SSH2: variants seen among roughly 807,000 people sequenced by gnomAD.
SSH2 encodes the protein protein phosphatase Slingshot homolog 2.
In SSH2, 37 loss-of-function variants were observed where a neutral mutation model predicts 135.2. The observed-to-expected ratio is 0.27, with a 90% confidence interval of 0.21 to 0.36. The LOEUF is 0.36. Ranked by LOEUF, SSH2 falls within the 10% of genes least tolerant of loss-of-function variation. The pLI is 1.00. For synonymous variants in SSH2, 628 were observed against 646.2 expected (o/e 0.97, Z 0.43); for missense variants, 1,408 against 1,765.3 (o/e 0.80, Z 3.63).
At chr17:29,746,960 C>G (rs1234048327) in intron 3 of SSH2, among the ~76,000 whole-genome samples, 1 of 152,158 alleles carries the variant, frequency 6.6e-6, no homozygotes, top group Non-Finnish European at 1.5e-5. Flanking sequence ...TCCGCAGTCA[C>G]TACAGAAGAC....
intron 3 of SSH2, among the ~76,000 whole-genome samples, chr17:29,774,352 C>T (rs975782104): frequency 2.6e-5 from 4 of 152,096 alleles, no homozygotes; most frequent in African/African-American, 9.7e-5. Flanking sequence ...GCAACCTCCT[C>T]CTCCTGGGTT....
At chr17:29,875,983 C>CA (rs547629204) in intron 1 of SSH2, among the ~76,000 whole-genome samples, 8,406 of 71,592 alleles carry the variant, frequency 0.12, 596 homozygotes, top group African/African-American at 0.25. Context: ...AAGAGGACAC[C>CA]AAAAAAAAAA....
At chr17:29,644,830 A>ATAAC (rs1169920828) in intron 14 of SSH2, 2 of 150,792 alleles carry the variant, frequency 1.3e-5, no homozygotes, top group African/African-American at 2.5e-5. Context: ...AAATAAATAA[A>ATAAC]TAACCCTCCT....
chr17:29,680,792 T>C (rs1475010811), intron 6 of SSH2, among the ~76,000 whole-genome samples: 2 of 152,080 alleles, frequency 1.3e-5, no homozygotes, highest in Admixed American at 6.6e-5. Flanking sequence ...AGTTTTACAG[T>C]AGCTTTTTGT....
chr17:29,895,749 G>A (rs141998171), intron 1 of SSH2, among the ~76,000 whole-genome samples: 1,786 of 71,406 alleles, frequency 0.025, 180 homozygotes, highest in African/African-American at 0.081. Context: ...TATATAAAAT[G>A]TATTTTATAT....
At chr17:29,774,099 C>G (rs1262716153) in intron 3 of SSH2, among the ~76,000 whole-genome samples, 1 of 152,110 alleles carries the variant, frequency 6.6e-6, no homozygotes, top group Non-Finnish European at 1.5e-5. Context: ...ATAAGGAGTT[C>G]CTAAAGTTTA....
intron 14 of SSH2, among the ~76,000 whole-genome samples, chr17:29,642,833 C>A (rs921696653): frequency 5.3e-5 from 8 of 152,142 alleles, no homozygotes; most frequent in Admixed American, 2.6e-4. Context: ...AGCCTGGAGT[C>A]ACTTTGAAAA....
chr17:29,639,330 TATGGTCCTTGGGGGTGTGGTCTCC>T (rs2036049991), intron 14 of SSH2, among the ~76,000 whole-genome samples: 1 of 152,030 alleles, frequency 6.6e-6, no homozygotes, highest in East Asian at 1.9e-4. Flanking sequence ...GGTCACTAAG[TATGGTCCTTGGGGGTGTGGTCTCC>T]ATGACTTACA....
intron 3 of SSH2, among the ~76,000 whole-genome samples, chr17:29,790,174 C>T (rs544562242): frequency 1.3e-5 from 2 of 152,148 alleles, no homozygotes; most frequent in Non-Finnish European, 2.9e-5. Flanking sequence ...CTTGTGCCCC[C>T]TGCTAATTCA....
intron 3 of SSH2, among the ~76,000 whole-genome samples, chr17:29,759,746 CAGA>C (rs1182961365): frequency 6.6e-6 from 1 of 152,182 alleles, no homozygotes; most frequent in Non-Finnish European, 1.5e-5. Flanking sequence ...AGCATTATGT[CAGA>C]CTCCTTCCTT....
intron 1 of SSH2, among the ~76,000 whole-genome samples, chr17:29,869,266 G>A (rs1366506188): frequency 6.6e-6 from 1 of 152,182 alleles, no homozygotes; most frequent in Non-Finnish European, 1.5e-5. Context: ...AAAGCTAAAG[G>A]AGGATCTTAG....
intron 1 of SSH2, among the ~76,000 whole-genome samples, chr17:29,924,870 T>C (rs2067037276): frequency 6.6e-6 from 1 of 152,200 alleles, no homozygotes; most frequent in South Asian, 2.1e-4. Flanking sequence ...ATGATTCTGT[T>C]CTAGGTAGTC....
At position 29,672,036 on chromosome 17, in the gene SSH2, A is replaced by G. The variant is rs774548421; in HGVS notation, c.708T>C (p.Tyr236=). Residue 236 remains tyrosine (Y), a synonymous_variant, in exon 9 of 16, where the codon TAT becomes TAC. Coordinates refer to ENST00000540801, the MANE Select transcript of SSH2 (RefSeq NM_001282129.2). ...ATTGATCTGAGTTGATATGGCTCTC[A>G]TAATAACTCACCCAAGTGAGAAATA... ...GSLFLTWVSY[Y]ESHINSDQSS... The G allele has an allele frequency of 4.1e-5, 66 of 1,614,196 alleles. 2 individuals carry two copies. The South Asian group carries it at 7.1e-4, about 17-fold the overall frequency.
intron 3 of SSH2, among the ~76,000 whole-genome samples, chr17:29,782,145 CTA>C (rs1764658378): frequency 6.6e-6 from 1 of 152,118 alleles, no homozygotes; most frequent in Non-Finnish European, 1.5e-5. Context: ...CATGCCGGCC[CTA>C]TGTTTTCTTT....
intron 1 of SSH2, among the ~76,000 whole-genome samples, chr17:29,854,700 C>A (rs1385997072): frequency 6.6e-6 from 1 of 152,022 alleles, no homozygotes; most frequent in Non-Finnish European, 1.5e-5. Context: ...GTAATCCCAG[C>A]ACTTTGGGAG....
At chr17:29,798,522 G>T (rs531848162) in intron 2 of SSH2, among the ~76,000 whole-genome samples, 1 of 152,224 alleles carries the variant, frequency 6.6e-6, no homozygotes, top group African/African-American at 2.4e-5. Context: ...TGGCATATTT[G>T]AATTTTTACA....
At chr17:29,795,502 T>C (rs774911443) in intron 2 of SSH2, among the ~76,000 whole-genome samples, 6 of 152,166 alleles carry the variant, frequency 3.9e-5, no homozygotes, top group Non-Finnish European at 7.3e-5. Context: ...GTATGCCCTT[T>C]AGAGACTGAA....
At chr17:29,864,951 T>G (rs2065829437) in intron 1 of SSH2, among the ~76,000 whole-genome samples, 1 of 152,162 alleles carries the variant, frequency 6.6e-6, no homozygotes, top group Non-Finnish European at 1.5e-5. Context: ...CAGATATAAA[T>G]TAAAGTTTCA....
intron 3 of SSH2, among the ~76,000 whole-genome samples, chr17:29,745,085 T>C (rs923626315): frequency 6.6e-6 from 1 of 152,140 alleles, no homozygotes; most frequent in Non-Finnish European, 1.5e-5. Flanking sequence ...TACTGTGCTA[T>C]GTGCCTAGTA....
Sources: allele counts gnomAD v4.1 joint callset (sites outside exome capture counted in the v4.1 genomes callset), GRCh38; gene constraint gnomAD v4.1.1; transcripts MANE v1.5; gene names NCBI Gene and HGNC (gene_info 2026-07-23, HGNC 2026-07-21).